Variants in CTDP1 observed in about 807,000 individuals in gnomAD.
CTDP1 encodes the protein CTD phosphatase 1.
Under a neutral mutation model 91.8 loss-of-function variants are expected in CTDP1, and 47 were observed. The ratio of observed to expected loss-of-function variants is 0.51; its 90% confidence interval spans 0.41 to 0.65. The LOEUF (loss-of-function observed/expected upper bound fraction) is 0.65. Among genes scored for constraint, CTDP1 ranks in the 30% least tolerant of loss-of-function variants. The probability of loss-of-function intolerance (pLI) is 0.00; values close to 1 mark genes in which losing one functional copy is unlikely to be tolerated. For synonymous variants in CTDP1, 656 were observed against 598.5 expected (o/e 1.10, Z -1.40); for missense variants, 1,272 against 1,373.7 (o/e 0.93, Z 1.17).
chr18:79,712,958 A>AT lies in CTDP1; in HGVS notation c.864-10dup, dbSNP rs2122614816. ...CATTATTATTTTTTGTAAATTATGC[A>AT]TTTTCACTTGTAGAAATCTCTTTCC... On this transcript the variant is annotated splice_polypyrimidine_tract_variant and intron_variant, in intron 6 of 12. Coordinates refer to ENST00000613122, the MANE Select transcript of CTDP1 (RefSeq NM_004715.5). 3.7e-6 allele frequency: 6 copies of AT among 1,613,610 alleles called. No individual in the cohort carries two copies. Among genetic ancestry groups the AT allele is most frequent in the Admixed American group, 3.3e-5 (2 of 60,008 alleles).
rs887347518 is a variant in CTDP1, at chr18:79,704,415, C to T, written c.622-352C>T. The stretch of plus-strand genomic sequence containing the variant: ...GCCCACGTGGAGGGGCGTGTACACA[C>T]GCATGTCCTCTGTCCCGTGTGGAGG... On this transcript the variant is annotated intron_variant, in intron 4 of 12. Coordinates refer to ENST00000613122, the MANE Select transcript of CTDP1 (RefSeq NM_004715.5). Among the ~76,000 whole-genome samples the T allele has an allele frequency of 5.3e-5, 8 of 152,132 alleles. 1 individual carries two copies. In the South Asian group the frequency reaches 6.2e-4, roughly 12 times the overall value.
At chr18:79,727,253 T>C (rs1171018014) in intron 10 of CTDP1, among the ~76,000 whole-genome samples, 1 of 152,254 alleles carries the variant, frequency 6.6e-6, no homozygotes, top group Admixed American at 6.5e-5. Flanking sequence ...AGTTGGCCCT[T>C]TGAACAACAC....
chr18:79,742,298 A>G (rs1200927623), intron 12 of CTDP1, among the ~76,000 whole-genome samples: 1 of 147,062 alleles, frequency 6.8e-6, no homozygotes, highest in Non-Finnish European at 1.5e-5. Context: ...GAGAGGCCTG[A>G]GGGCAGCAGA....
chr18:79,679,544 G>C (rs894491908), upstream of CTDP1: 3 of 460,748 alleles, frequency 6.5e-6, no homozygotes, highest in Non-Finnish European at 1.3e-5. Flanking sequence ...TGTCCGCGGT[G>C]CACGCCGGGA....
chr18:79,736,095 T>G, intron 11 of CTDP1: 1 of 555,964 alleles, frequency 1.8e-6, no homozygotes, highest in Non-Finnish European at 3.3e-6. Context: ...CCTGTTCACA[T>G]AAGGGACAGA....
intron 5 of CTDP1, among the ~76,000 whole-genome samples, chr18:79,707,132 T>C (rs1337774099): frequency 6.6e-6 from 1 of 152,224 alleles, no homozygotes; most frequent in Admixed American, 6.5e-5. Context: ...GGCTCGGATC[T>C]GTTTAAATGC....
intron 6 of CTDP1, among the ~76,000 whole-genome samples, chr18:79,712,470 C>T (rs1195234591): frequency 3.9e-5 from 6 of 152,064 alleles, no homozygotes; most frequent in East Asian, 1.9e-4. Flanking sequence ...TTTGTAGAGA[C>T]AGGGTCTTCC....
At chr18:79,690,461 G>A (rs922313523) in intron 1 of CTDP1, among the ~76,000 whole-genome samples, 7 of 152,160 alleles carry the variant, frequency 4.6e-5, no homozygotes, top group African/African-American at 1.4e-4. Context: ...GTGTTTTTAC[G>A]TTTGTGTATC....
chr18:79,704,924 C>T lies in CTDP1; in HGVS notation c.772+7C>T. ...TACGCACACACCATCGCAGGTCAGT[C>T]AAGCCGCAGCCGAAGAGGCCGTGTG... is the stretch of plus-strand genomic sequence containing the variant. On this transcript the variant is annotated splice_region_variant and intron_variant, in intron 5 of 12. Coordinates refer to ENST00000613122, the MANE Select transcript of CTDP1 (RefSeq NM_004715.5). 1 of 1,612,404 alleles carries T rather than the reference C, an allele frequency of 6.2e-7. No homozygotes were observed. Among genetic ancestry groups the T allele is most frequent in the Non-Finnish European group, 8.5e-7 (1 of 1,180,014 alleles).
At chr18:79,739,622 C>T (rs1254725781) in intron 12 of CTDP1, among the ~76,000 whole-genome samples, 1 of 152,160 alleles carries the variant, frequency 6.6e-6, no homozygotes, top group Non-Finnish European at 1.5e-5. Context: ...ATTCTGGCTC[C>T]TCGGGCAAGG....
chr18:79,699,193 C>G (rs114336637), intron 4 of CTDP1, among the ~76,000 whole-genome samples: 1 of 152,126 alleles, frequency 6.6e-6, no homozygotes, highest in Admixed American at 6.5e-5. Flanking sequence ...TTCTTCTGTG[C>G]AGTATAAACT....
At chr18:79,704,526 G>T (rs947243449) in intron 4 of CTDP1, among the ~76,000 whole-genome samples, 1 of 152,110 alleles carries the variant, frequency 6.6e-6, no homozygotes, top group Non-Finnish European at 1.5e-5. Context: ...GTGGAGGGGC[G>T]TGTACATGCA....
Position 79,696,223 on chromosome 18 carries a change from G to A in CTDP1, c.492+153G>A, listed in dbSNP as rs55781531. On this transcript the variant is annotated intron_variant, in intron 3 of 12. Coordinates refer to ENST00000613122, the MANE Select transcript of CTDP1 (RefSeq NM_004715.5). The stretch of plus-strand genomic sequence containing the variant: ...TCACACGGATGACTTATGGGACTGC[G>A]GCCTTCCTGAAGCAGGGACGGTTGC... 0.12 allele frequency among the ~76,000 whole-genome samples: 18,969 copies of A among 152,222 alleles called. 1,547 individuals carry two copies. The highest frequency in any genetic ancestry group is 0.19 in the Non-Finnish European group (12,596 of 67,988).
rs932193481 is a variant in CTDP1 at position 79,679,825 on chromosome 18, G to C, written c.-123G>C. On this transcript the variant is annotated 5_prime_UTR_variant, in exon 1 of 13. Coordinates refer to ENST00000613122, the MANE Select transcript of CTDP1 (RefSeq NM_004715.5). Reference sequence around the variant, plus strand: ...AGGAAGTCGGCGCGGGCTAGGCGACGGGTGGAAGCCGGTACCGAGAGGAAC... The same window carrying C: ...AGGAAGTCGGCGCGGGCTAGGCGACCGGTGGAAGCCGGTACCGAGAGGAAC... 8.2e-6 allele frequency: 8 copies of C among 969,834 alleles called. 1 individual carries two copies. The highest frequency in any genetic ancestry group is 1.7e-5 in the South Asian group (1 of 58,874). The allele number at this position is 969,834 out of a possible 1,614,324, so 60.1% of individuals were successfully genotyped here.
Position 79,737,144 on chromosome 18 carries a change from T to C in CTDP1, c.2747+623T>C, listed in dbSNP as rs561222897. 3.3e-5 allele frequency among the ~76,000 whole-genome samples: 5 copies of C among 152,332 alleles called. 1 individual carries two copies. Among genetic ancestry groups the C allele is most frequent in the African/African-American group, 1.2e-4 (5 of 41,574 alleles). On this transcript the variant is annotated intron_variant, in intron 12 of 12. Transcript: ENST00000613122. Reference sequence around the variant, plus strand: ...CTTCCTTCGCCATGAATGAGGCCTGTTTTCGGGCGTTTGGCCGCAACAGCG... The same window carrying C: ...CTTCCTTCGCCATGAATGAGGCCTGCTTTCGGGCGTTTGGCCGCAACAGCG...
intron 1 of CTDP1, among the ~76,000 whole-genome samples, chr18:79,683,417 C>T (rs1043677549): frequency 2.0e-5 from 3 of 152,338 alleles, no homozygotes; most frequent in African/African-American, 7.2e-5. Context: ...TTTGTGGAGG[C>T]TCCAACCCTG....
chr18:79,717,445 C>A, intron 8 of CTDP1, 90 bp from the exon 9 acceptor site: 2 of 1,574,184 alleles, frequency 1.3e-6, no homozygotes, highest in African/African-American at 1.3e-5. Flanking sequence ...GGGGTACAGC[C>A]AGGTGAGGGC....
chr18:79,704,664 G>A lies in CTDP1; in HGVS notation c.622-103G>A. ...CGTGTCTTCAGAACGCTTGTCTGGGGCACACGTGTGTTCTCAGGATGCCTG... is the reference window on the plus strand; with the variant it reads ...CGTGTCTTCAGAACGCTTGTCTGGGACACACGTGTGTTCTCAGGATGCCTG... On this transcript the variant is annotated intron_variant, in intron 4 of 12. Transcript: ENST00000613122. 25 of 1,470,362 alleles carry A rather than the reference G, an allele frequency of 1.7e-5. No individual in the cohort carries two copies. The South Asian group carries it at 2.0e-4, about 12-fold the overall frequency. 91.1% of individuals were successfully genotyped at this position (1,470,362 alleles called of 1,614,324 possible).
chr18:79,701,488 T>C (rs1045841649), intron 4 of CTDP1, among the ~76,000 whole-genome samples: 26 of 151,396 alleles, frequency 1.7e-4, no homozygotes, highest in Admixed American at 5.9e-4. Flanking sequence ...CCAGCCTGGG[T>C]GACAGAGCAA....
Sources: allele counts gnomAD v4.1 joint callset (sites outside exome capture counted in the v4.1 genomes callset), GRCh38; gene constraint gnomAD v4.1.1; transcripts MANE v1.5; gene names NCBI Gene and HGNC (gene_info 2026-07-23, HGNC 2026-07-21).